Variants in KNTC1 observed in about 807,000 individuals in gnomAD.
KNTC1 encodes kinetochore associated 1.
In KNTC1, 253 loss-of-function variants were observed where a neutral mutation model predicts 314.4. The observed-to-expected ratio is 0.80, with a 90% CI of 0.73 to 0.89. KNTC1 has a LOEUF of 0.89. Among genes scored for constraint, KNTC1 ranks in the 40% least tolerant of loss-of-function variants. KNTC1 has a pLI of 0.00. For missense variants in KNTC1, 2,475 were observed against 2,572.9 expected, an observed-to-expected ratio of 0.96 and a Z score of 0.82; for synonymous variants, 901 against 901.4, an observed-to-expected ratio of 1.00 and a Z score of 0.01.
intron 12 of KNTC1, among the ~76,000 whole-genome samples, chr12:122,548,691 G>A (rs552868135): frequency 1.2e-3 from 176 of 152,150 alleles, no homozygotes; most frequent in Non-Finnish European, 1.9e-3. Flanking sequence ...TAACAAGCTG[G>A]GTGCGTTGGC....
chr12:122,539,834 T>G lies in KNTC1; in HGVS notation c.445+80T>G, dbSNP rs551673953. ...TCTCCCTTTGTCGCCCAGGCTGGAG[T>G]GCAGTGGCGCAATCTCAGGTCACTG... On this transcript the variant is annotated intron_variant, in intron 5 of 63. Coordinates refer to ENST00000333479, the MANE Select transcript of KNTC1 (RefSeq NM_014708.6). 2.5e-4 allele frequency: 228 copies of G among 899,132 alleles called. 4 individuals are homozygous for G. In the Admixed American group the frequency reaches 5.8e-3, roughly 23 times the overall value. The allele number at this position is 899,132 out of a possible 1,614,324, so 55.7% of individuals were successfully genotyped here.
intron 44 of KNTC1, among the ~76,000 whole-genome samples, chr12:122,600,342 A>T (rs1212285561): frequency 6.6e-6 from 1 of 152,090 alleles, no homozygotes; most frequent in African/African-American, 2.4e-5. Flanking sequence ...CAGGTGATCC[A>T]CCTGCCTTAG....
chr12:122,618,705 G>A (rs1874067447), intron 59 of KNTC1, among the ~76,000 whole-genome samples, 160 bp downstream of exon 59: 1 of 152,106 alleles, frequency 6.6e-6, no homozygotes, highest in Admixed American at 6.6e-5. Flanking sequence ...GTCTTGCTCT[G>A]TCATCCAGGC....
At chr12:122,534,466 T>C (rs1961624570) in intron 2 of KNTC1, among the ~76,000 whole-genome samples, 198 bp from the exon 3 acceptor site, 1 of 152,210 alleles carries the variant, frequency 6.6e-6, no homozygotes, top group African/African-American at 2.4e-5. Flanking sequence ...TGAACTGTTT[T>C]TCTACTTAGG....
intron 52 of KNTC1, among the ~76,000 whole-genome samples, chr12:122,609,987 T>C (rs894040828): frequency 2.0e-5 from 3 of 152,186 alleles, no homozygotes; most frequent in Admixed American, 2.0e-4. Flanking sequence ...CCAGCCAGCT[T>C]TTTGTCTTTC....
intron 43 of KNTC1, among the ~76,000 whole-genome samples, chr12:122,596,578 C>T (rs996525052): frequency 8.6e-5 from 13 of 150,922 alleles, no homozygotes; most frequent in African/African-American, 2.9e-4. Flanking sequence ...TGGTGGCTAA[C>T]GCCTATAATC....
rs781104767 is a variant in KNTC1, at chr12:122,624,700, G to A, written c.6606+12G>A. ...GTGAAATTCTGAAGGTAAAGCTGAT[G>A]GAAAGTTCTTAGGTTCTAACTTGAC... On this transcript the variant is annotated intron_variant, in intron 63 of 63. Transcript: ENST00000333479. 3.1e-6 allele frequency: 5 copies of A among 1,596,446 alleles called. No individual in the cohort carries two copies. The East Asian group carries it at 1.1e-4, about 36-fold the overall frequency.
At chr12:122,534,200 C>T (rs1421858605) in intron 2 of KNTC1, among the ~76,000 whole-genome samples, 2 of 152,174 alleles carry the variant, frequency 1.3e-5, no homozygotes, top group African/African-American at 4.8e-5. Context: ...GGAGGTATGG[C>T]CATGCCAGTG....
At chr12:122,603,795 C>T (rs1009627572) in intron 48 of KNTC1, among the ~76,000 whole-genome samples, 5 of 152,098 alleles carry the variant, frequency 3.3e-5, no homozygotes, top group African/African-American at 4.8e-5. Context: ...CTGGCCCAAT[C>T]GCACTTTCAA....
intron 18 of KNTC1, among the ~76,000 whole-genome samples, chr12:122,559,426 A>G (rs1963830685): frequency 6.6e-6 from 1 of 152,104 alleles, no homozygotes; most frequent in Admixed American, 6.6e-5. Context: ...TTGGCACATA[A>G]TATTCTATTT....
intron 44 of KNTC1, among the ~76,000 whole-genome samples, chr12:122,599,420 G>A (rs1871527624): frequency 6.6e-6 from 1 of 151,598 alleles, no homozygotes; most frequent in Non-Finnish European, 1.5e-5. Flanking sequence ...GAGTCTAATG[G>A]CGCAGTCTCG....
At chr12:122,614,130 C>T (rs1256539765) in intron 55 of KNTC1, among the ~76,000 whole-genome samples, 1 of 152,148 alleles carries the variant, frequency 6.6e-6, no homozygotes. Flanking sequence ...TGCACCCGAC[C>T]CAGGAACAGT....
In KNTC1 at chr12:122,622,600, G is replaced by T; in HGVS notation, c.6508G>T (p.Asp2170Tyr). ...ITELVNYLANDLSLDEASVLI... is the reference protein window; with the variant it reads ...ITELVNYLANYLSLDEASVLI... ...TGAGCTAGTGAACTATTTGGCAAAT[G>T]ACTTAAGGTAAGTTAATTAAAAAAA... is the stretch of plus-strand genomic sequence containing the variant. The change falls in exon 62 of 64, where the codon GAC (aspartate) becomes TAC (tyrosine). Residue 2170 changes from aspartate (D) to tyrosine (Y), a missense_variant. Physicochemically the swap from Asp to Tyr is radical, Grantham distance 160. Coordinates refer to ENST00000333479, the MANE Select transcript of KNTC1 (RefSeq NM_014708.6). The T allele has an allele frequency of 6.6e-7, 1 of 1,516,240 alleles. No individual in the cohort carries two copies. Among genetic ancestry groups the T allele is most frequent in the African/African-American group, 1.4e-5 (1 of 70,600 alleles). 93.9% of individuals were successfully genotyped at this position (1,516,240 alleles called of 1,614,324 possible).
At chr12:122,557,289 G>A in intron 16 of KNTC1, 95 bp from the exon 17 acceptor site, 1 of 1,176,368 alleles carries the variant, frequency 8.5e-7, no homozygotes, top group East Asian at 2.4e-5. Flanking sequence ...TCACCTTTTT[G>A]AAGTAGTTTG....
chr12:122,568,741 C>T (rs1211465117), intron 21 of KNTC1, among the ~76,000 whole-genome samples: 1 of 151,866 alleles, frequency 6.6e-6, no homozygotes, highest in East Asian at 1.9e-4. Context: ...GAGGCTGAGG[C>T]AGGGGAATTT....
intron 44 of KNTC1, among the ~76,000 whole-genome samples, chr12:122,599,399 TGTC>T (rs1319390750): frequency 6.6e-6 from 1 of 151,768 alleles, no homozygotes; most frequent in Non-Finnish European, 1.5e-5. Context: ...TTGCTCTTGT[TGTC>T]CAGGCTGGAG....
intron 20 of KNTC1, 84 bp downstream of exon 20, chr12:122,562,783 G>A (rs200477551): frequency 2.5e-5 from 19 of 774,220 alleles, no homozygotes; most frequent in East Asian, 1.9e-4. Context: ...GCTGAGGTGG[G>A]CAGATCACCC....
intron 16 of KNTC1, among the ~76,000 whole-genome samples, chr12:122,554,276 C>G (rs1400915605): frequency 6.6e-6 from 1 of 151,078 alleles, no homozygotes; most frequent in East Asian, 1.9e-4. Context: ...AACACAGGGT[C>G]TTGCTATGTT....
intron 33 of KNTC1, among the ~76,000 whole-genome samples, chr12:122,581,253 C>T (rs1237074212): frequency 1.4e-5 from 2 of 145,188 alleles, no homozygotes; most frequent in Middle Eastern, 7.2e-3. Context: ...GGCTGGAGTG[C>T]AATGGCGTGA....
Sources: gnomAD v4.1 joint callset for allele counts (sites outside exome capture counted in the v4.1 genomes callset) on GRCh38, gnomAD v4.1.1 for gene constraint, MANE v1.5 for transcripts, NCBI Gene and HGNC (gene_info 2026-07-23, HGNC 2026-07-21) for gene names.